Variants in MCU observed in about 807,000 individuals in gnomAD.
MCU encodes calcium uniporter protein, mitochondrial.
Under a neutral mutation model 45.2 loss-of-function variants are expected in MCU, and 12 were observed. The observed-to-expected ratio is 0.27, with a 90% CI of 0.17 to 0.43. The LOEUF (loss-of-function observed/expected upper bound fraction) is 0.43. MCU is among the 20% of genes least tolerant of loss of function. The pLI is 1.00. For synonymous variants in MCU, 160 were observed against 165.1 expected (o/e 0.97, Z 0.24); for missense variants, 324 against 436.7 (o/e 0.74, Z 2.30).
chr10:72,710,902 G>A (rs1302122926), intron 1 of MCU, among the ~76,000 whole-genome samples: 1 of 152,024 alleles, frequency 6.6e-6, no homozygotes, highest in Non-Finnish European at 1.5e-5. Context: ...AACTGGCCGG[G>A]CGCAGTGGCT....
At chr10:72,855,630 C>T (rs556511103) in intron 2 of MCU, among the ~76,000 whole-genome samples, 16 of 151,934 alleles carry the variant, frequency 1.1e-4, no homozygotes, top group Admixed American at 7.9e-4. Flanking sequence ...TGAAAAAATC[C>T]TTTTTAAAGA....
intron 1 of MCU, among the ~76,000 whole-genome samples, chr10:72,779,795 A>G (rs1467769685): frequency 6.6e-6 from 1 of 152,208 alleles, no homozygotes; most frequent in East Asian, 1.9e-4. Context: ...TAGTGAGGGT[A>G]TGGGGAAATT....
At chr10:72,720,104 T>C (rs1238258099) in intron 1 of MCU, among the ~76,000 whole-genome samples, 2 of 152,142 alleles carry the variant, frequency 1.3e-5, no homozygotes, top group African/African-American at 4.8e-5. Flanking sequence ...CTTGCACTCC[T>C]AGCCTCAAGC....
At chr10:72,833,619 C>CT (rs1844911748) in intron 1 of MCU, among the ~76,000 whole-genome samples, 1 of 152,140 alleles carries the variant, frequency 6.6e-6, no homozygotes, top group Non-Finnish European at 1.5e-5. Flanking sequence ...TCCTTTGATA[C>CT]TTTTTGGGGT....
intron 1 of MCU, among the ~76,000 whole-genome samples, chr10:72,827,182 T>C (rs1015550572): frequency 6.6e-6 from 1 of 152,188 alleles, no homozygotes; most frequent in Non-Finnish European, 1.5e-5. Context: ...TCTAAATCTG[T>C]ATGCTGCTTT....
Position 72,887,052 on chromosome 10 carries a change from T to C in MCU, c.*1230T>C, listed in dbSNP as rs753453376. On this transcript the variant is annotated 3_prime_UTR_variant, in exon 8 of 8. Transcript: ENST00000373053. ...CCATATTTCCAGATGACATCTGCGC[T>C]TGAAGAGTCAAAGGAATCTGTGTCT... The C allele has an allele frequency of 2.0e-5, 3 of 152,382 alleles. No individual in the cohort carries two copies. The highest frequency in any genetic ancestry group is 4.4e-5 in the Non-Finnish European group (3 of 68,028). 9.4% of individuals were successfully genotyped at this position (152,382 alleles called of 1,614,324 possible).
intron 1 of MCU, among the ~76,000 whole-genome samples, chr10:72,768,177 A>G (rs539408207): frequency 1.3e-5 from 2 of 152,176 alleles, no homozygotes; most frequent in Non-Finnish European, 2.9e-5. Context: ...ATTTTTGCAT[A>G]AAATAAAATT....
intron 2 of MCU, among the ~76,000 whole-genome samples, chr10:72,858,632 C>T (rs995895391): frequency 3.3e-5 from 5 of 152,112 alleles, no homozygotes; most frequent in Non-Finnish European, 5.9e-5. Context: ...GTCCCCTTGG[C>T]CAAGAGGGGG....
chr10:72,771,130 T>C (rs1843801094), intron 1 of MCU, among the ~76,000 whole-genome samples: 1 of 152,206 alleles, frequency 6.6e-6, no homozygotes, highest in South Asian at 2.1e-4. Flanking sequence ...ACATGTGCCA[T>C]GATGGTTTGC....
rs371496517 is a variant in MCU, at chr10:72,789,891, TCACAC to T, written c.151-44465_151-44461del. 5.9e-3 allele frequency among the ~76,000 whole-genome samples: 901 copies of T among 152,308 alleles called. 10 individuals are homozygous for T. The highest frequency in any genetic ancestry group is 0.02 in the African/African-American group (849 of 41,546). On this transcript the variant is annotated intron_variant, in intron 1 of 7. Transcript: ENST00000373053. ...CATTTCAGACTTCAAGCCATTTAAATCACACCATACAATATGGAGCACAGGAAAAT... is the reference window on the plus strand; with the variant it reads ...CATTTCAGACTTCAAGCCATTTAAATCATACAATATGGAGCACAGGAAAAT...
chr10:72,837,478 A>G (rs2132838953), intron 2 of MCU, among the ~76,000 whole-genome samples: 1 of 152,326 alleles, frequency 6.6e-6, no homozygotes, highest in South Asian at 2.1e-4. Context: ...ACCCCCGGTA[A>G]GTAATAAGTC....
At chr10:72,818,435 C>G (rs575659755) in intron 1 of MCU, among the ~76,000 whole-genome samples, 10 of 152,284 alleles carry the variant, frequency 6.6e-5, no homozygotes, top group Admixed American at 3.9e-4. Context: ...TTACCATACC[C>G]TGATTGTAGA....
At chr10:72,737,535 T>C (rs75114057) in intron 1 of MCU, among the ~76,000 whole-genome samples, 32 of 151,788 alleles carry the variant, frequency 2.1e-4, no homozygotes, top group African/African-American at 3.4e-4. Context: ...TTTTTTTTTT[T>C]CAGAGATGGT....
intron 2 of MCU, among the ~76,000 whole-genome samples, chr10:72,849,944 G>C (rs1298536325): frequency 1.4e-5 from 2 of 141,476 alleles, no homozygotes; most frequent in Non-Finnish European, 3.1e-5. Flanking sequence ...ACAGAATTTT[G>C]CTCTTGTTGC....
intron 1 of MCU, among the ~76,000 whole-genome samples, chr10:72,718,317 T>G (rs1334391377): frequency 1.3e-5 from 2 of 152,218 alleles, no homozygotes; most frequent in Admixed American, 1.3e-4. Flanking sequence ...CTTCAATTGT[T>G]TCTAAATTTT....
intron 4 of MCU, among the ~76,000 whole-genome samples, chr10:72,863,645 C>T (rs1466047879): frequency 6.6e-6 from 1 of 152,148 alleles, no homozygotes; most frequent in Non-Finnish European, 1.5e-5. Context: ...GAGACGGAGT[C>T]TCTCTCTGTC....
At chr10:72,697,351 G>A (rs571768969) in intron 1 of MCU, among the ~76,000 whole-genome samples, 2 of 151,508 alleles carry the variant, frequency 1.3e-5, no homozygotes, top group African/African-American at 4.8e-5. Flanking sequence ...TCCTGGCCTC[G>A]GGTAACCCAC....
chr10:72,885,815 A>C lies in MCU; in HGVS notation c.1049A>C (p.Lys350Thr), dbSNP rs905492305. Residue 350 changes from lysine to threonine, a missense_variant, in exon 8 of 8, where the codon AAA becomes ACA. Physicochemically the swap from Lys to Thr is moderately conservative, Grantham distance 78 (BLOSUM62 -1). Around this residue, in one of 4 missense-constraint regions of MCU, gnomAD observed 76 missense variants for 99.4 expected, o/e 0.76. Coordinates refer to ENST00000373053, the MANE Select transcript of MCU (RefSeq NM_138357.3). ...CTGCCTCTCCGACAAATTGGTGAAA[A>C]AGATTGATCTGCAAAAAGCCTCTGA... is the stretch of plus-strand genomic sequence containing the variant. ...VHLPLRQIGE[K>T]D The C allele has an allele frequency of 1.7e-5, 28 of 1,613,272 alleles. No individual in the cohort carries two copies. The highest frequency in any genetic ancestry group is 3.3e-5 in the Admixed American group (2 of 59,970).
intron 1 of MCU, among the ~76,000 whole-genome samples, chr10:72,782,106 A>G (rs11000413): frequency 0.046 from 7,002 of 152,180 alleles, 285 homozygotes; most frequent in East Asian, 0.21. Flanking sequence ...AAAAAATACC[A>G]TGACACACAT....
Sources: gnomAD v4.1 joint callset for allele counts (sites outside exome capture counted in the v4.1 genomes callset) on GRCh38, gnomAD v4.1.1 for gene constraint, gnomAD v4.1.1 regional missense constraint, MANE v1.5 for transcripts, NCBI Gene and HGNC (gene_info 2026-07-23, HGNC 2026-07-21) for gene names.